The following TMEM52B variants were observed in gnomAD, a reference collection of about 807,000 sequenced individuals.
The protein encoded by TMEM52B is chromosome 12 open reading frame 59.
Under a neutral mutation model 16.1 loss-of-function variants are expected in TMEM52B, and 11 were observed. The ratio of observed to expected loss-of-function variants is 0.68; its 90% confidence interval spans 0.43 to 1.13. The LOEUF (loss-of-function observed/expected upper bound fraction) is 1.13. TMEM52B is among the 50% of genes most tolerant of loss of function. The probability of loss-of-function intolerance (pLI) is 0.00; values close to 1 mark genes in which losing one functional copy is unlikely to be tolerated. For synonymous variants in TMEM52B, 101 were observed against 93.8 expected, an observed-to-expected ratio of 1.08 and a Z score of -0.45; for missense variants, 243 against 230.4, an observed-to-expected ratio of 1.05 and a Z score of -0.35.
In TMEM52B at chr12:10,189,906, G is replaced by T. The variant is rs746552314; in HGVS notation, c.318G>T (p.Ser106=). The T allele has an allele frequency of 5.6e-6, 9 of 1,613,686 alleles. No homozygotes were observed. The highest frequency in any genetic ancestry group is 2.2e-5 in the East Asian group (1 of 44,886). Residue 106 remains serine, a synonymous_variant, in exon 5 of 5, where the codon TCG becomes TCT. Transcript: ENST00000543484. ...TLQSTITSLQ[S]VFGPAARRIL... is the part of the protein sequence containing the mutation. ...CTTCTTTCTTCACAGCTCTGCAGTCGGTGTTTGGCCCTGCAGCTCGGAGGA... is the reference window on the plus strand; with the variant it reads ...CTTCTTTCTTCACAGCTCTGCAGTCTGTGTTTGGCCCTGCAGCTCGGAGGA...
chr12:10,189,641 AAG>A (rs756687270), intron 4 of TMEM52B, among the ~76,000 whole-genome samples: 14 of 147,224 alleles, frequency 9.5e-5, no homozygotes, highest in South Asian at 4.3e-4. Flanking sequence ...AAAAAAAAAA[AAG>A]AGAGAGAGAG....
rs971797130 is a variant in TMEM52B at position 10,190,431 on chromosome 12, A to G, written c.*291A>G. On this transcript the variant is annotated 3_prime_UTR_variant, in exon 5 of 5. Coordinates refer to ENST00000543484, the MANE Select transcript of TMEM52B (RefSeq NM_001384896.1). ...CAAGGTGTCTTGAATTCCTTTAACT[A>G]TTGAGTGCATATAGAATTCCTGTAC... 2.8e-6 allele frequency: 1 copy of G among 362,846 alleles called. No homozygotes were observed. The highest frequency in any genetic ancestry group is 5.3e-6 in the Non-Finnish European group (1 of 190,238). The allele number at this position is 362,846 out of a possible 1,614,324, so 22.5% of individuals were successfully genotyped here.
At chr12:10,184,601 G>A (rs1489301952) in intron 2 of TMEM52B, among the ~76,000 whole-genome samples, 1 of 152,086 alleles carries the variant, frequency 6.6e-6, no homozygotes, top group Non-Finnish European at 1.5e-5. Flanking sequence ...TGGTGTCAGA[G>A]GGTTGGGAGA....
At chr12:10,177,786 AATAATAAT>A (rs1316173083), upstream of TMEM52B, among the ~76,000 whole-genome samples, 1 of 89,230 alleles carries the variant, frequency 1.1e-5, no homozygotes, top group African/African-American at 4.3e-5. Flanking sequence ...TAATAATAAT[AATAATAAT>A]AATAATAATA....
intron 2 of TMEM52B, 59 bp downstream of exon 2, chr12:10,182,652 A>AT: frequency 6.7e-7 from 1 of 1,490,856 alleles, no homozygotes; most frequent in African/African-American, 1.4e-5. Flanking sequence ...CACTACCCCA[A>AT]AAGAGAGTCA....
intron 1 of TMEM52B, among the ~76,000 whole-genome samples, chr12:10,173,176 G>A (rs1948737638): frequency 6.6e-6 from 1 of 152,262 alleles, no homozygotes; most frequent in East Asian, 1.9e-4. Context: ...TGTATTTACT[G>A]ATAGAATACT....
Position 10,186,412 on chromosome 12 carries a change from T to G in TMEM52B, c.138-8T>G. 1 of 1,597,872 alleles carries G rather than the reference T, an allele frequency of 6.3e-7. No individual in the cohort carries two copies. Among genetic ancestry groups the G allele is most frequent in the Non-Finnish European group, 8.6e-7 (1 of 1,168,446 alleles). ...CAGAGCTCCCACTCGCCCCGTGGGC[T>G]TTTGCAGGTTGCTAGTGGTAATTGG... On this transcript the variant is annotated splice_polypyrimidine_tract_variant and splice_region_variant and intron_variant, in intron 3 of 4. Coordinates refer to ENST00000543484, the MANE Select transcript of TMEM52B (RefSeq NM_001384896.1).
chr12:10,184,839 T>A (rs1256121539), intron 2 of TMEM52B, among the ~76,000 whole-genome samples: 1 of 96,608 alleles, frequency 1.0e-5, no homozygotes, highest in African/African-American at 3.1e-5. Context: ...TTTCTTAGTA[T>A]TTTTTTTTTC....
In TMEM52B at chr12:10,182,561, G is replaced by T; in HGVS notation, c.66G>T (p.Thr22=). The T allele has an allele frequency of 6.5e-7, 1 of 1,535,404 alleles. No homozygotes were observed. Among genetic ancestry groups the T allele is most frequent in the South Asian group, 1.2e-5 (1 of 83,956 alleles). ...TTCTCTTTCTACAGCTTTCTGGGAC[G>T]AGATGTGAGGAAAACTGTGGTAATC... ...ALLYFILLSG[T]RCEENCGNPE... The change falls in exon 2 of 5, where the codon ACG becomes ACT. Residue 22 remains threonine (T), a synonymous_variant. Coordinates refer to ENST00000543484, the MANE Select transcript of TMEM52B (RefSeq NM_001384896.1).
chr12:10,174,259 C>T (rs578053089), upstream of TMEM52B, among the ~76,000 whole-genome samples: 18 of 152,180 alleles, frequency 1.2e-4, no homozygotes, highest in Admixed American at 1.1e-3. Context: ...GACAGGGTTT[C>T]ACCATGTTGG....
chr12:10,186,562 G>A lies in TMEM52B; in HGVS notation c.280G>A (p.Asp94Asn), dbSNP rs781587745. 1.9e-6 allele frequency: 3 copies of A among 1,603,740 alleles called. No homozygotes were observed. Among genetic ancestry groups the A allele is most frequent in the Non-Finnish European group, 2.6e-6 (3 of 1,172,372 alleles). The change falls in exon 4 of 5, where the codon GAC becomes AAC. Residue 94 changes from aspartate to asparagine, a missense_variant. Asp to Asn is a conservative substitution (Grantham distance 23). Coordinates refer to ENST00000543484, the MANE Select transcript of TMEM52B (RefSeq NM_001384896.1). ...CEVTVIAFDHDSTLQSTITSL... is the reference protein window; with the variant it reads ...CEVTVIAFDHNSTLQSTITSL... ...AGTGACCGTCATTGCTTTCGATCAC[G>A]ACAGCACTCTCCAGAGCACTATCAC...
At chr12:10,172,150 T>G in intron 1 of TMEM52B, 1 of 1,000,898 alleles carries the variant, frequency 1.0e-6, no homozygotes, top group East Asian at 2.4e-5. Flanking sequence ...TGTGAGCTTC[T>G]GCAGAAGTAT....
chr12:10,187,092 C>CATG (rs1224174959), intron 4 of TMEM52B, among the ~76,000 whole-genome samples: 3 of 136,632 alleles, frequency 2.2e-5, no homozygotes. Flanking sequence ...CTATTCTTTC[C>CATG]ATGACGGTTT....
intron 2 of TMEM52B, among the ~76,000 whole-genome samples, chr12:10,183,740 G>C (rs959768214): frequency 6.6e-6 from 1 of 151,936 alleles, no homozygotes; most frequent in Non-Finnish European, 1.5e-5. Flanking sequence ...TCATGGTAAA[G>C]TTGGCTTCTA....
chr12:10,172,802 G>A (rs1425576903), intron 1 of TMEM52B, among the ~76,000 whole-genome samples: 1 of 151,976 alleles, frequency 6.6e-6, no homozygotes, highest in East Asian at 1.9e-4. Context: ...TGGAAATTAG[G>A]GATAATGTCT....
chr12:10,174,910 A>T (rs1396305221), upstream of TMEM52B, among the ~76,000 whole-genome samples: 1 of 152,206 alleles, frequency 6.6e-6, no homozygotes, highest in Non-Finnish European at 1.5e-5. Context: ...CATGTGTCAG[A>T]ATTTTGTTCC....
exon 1 of TMEM52B, chr12:10,170,838 C>T (rs1948709173): frequency 6.6e-6 from 1 of 152,082 alleles, no homozygotes; most frequent in African/African-American, 2.4e-5. Flanking sequence ...AATCACAGGA[C>T]CCTGTGAAGG....
At chr12:10,182,223 G>A (rs544872020) in intron 1 of TMEM52B, 31 of 985,044 alleles carry the variant, frequency 3.1e-5, no homozygotes, top group Non-Finnish European at 3.7e-5. Context: ...GGAGGACAAT[G>A]GCAATATCCC....
chr12:10,181,803 G>T (rs1948826210), intron 1 of TMEM52B, among the ~76,000 whole-genome samples: 1 of 150,984 alleles, frequency 6.6e-6, no homozygotes, highest in Non-Finnish European at 1.5e-5. Context: ...GAGGTGGGTG[G>T]GTCACTTGAG....
Sources: gnomAD v4.1 joint callset for allele counts (sites outside exome capture counted in the v4.1 genomes callset) on GRCh38, gnomAD v4.1.1 for gene constraint, MANE v1.5 for transcripts, NCBI Gene and HGNC (gene_info 2026-07-23, HGNC 2026-07-21) for gene names.